NRXN3: variants seen among roughly 807,000 people sequenced by gnomAD.
NRXN3 encodes the protein neurexin III.
NRXN3 carries 32 observed loss-of-function variants against 137.6 expected under a neutral mutation model. The observed-to-expected ratio is 0.23, with a 90% confidence interval of 0.18 to 0.31. The LOEUF is 0.31. NRXN3 is among the 10% of genes least tolerant of loss of function. NRXN3 has a pLI of 1.00. For missense variants in NRXN3, 1,574 were observed against 2,062.5 expected (o/e 0.76, Z 4.59); for synonymous variants, 798 against 784.5 (o/e 1.02, Z -0.29).
At chr14:78,843,100 T>C (rs1267322348) in intron 10 of NRXN3, among the ~76,000 whole-genome samples, 2 of 152,026 alleles carry the variant, frequency 1.3e-5, no homozygotes, top group African/African-American at 4.8e-5. Flanking sequence ...ATCACAAGGG[T>C]ATTGATTGGG....
At position 78,715,138 on chromosome 14, in the gene NRXN3, G is replaced by A. The variant is rs138594346; in HGVS notation, c.2043G>A (p.Arg681=). 1 of 1,604,882 alleles carries A rather than the reference G, an allele frequency of 6.2e-7. No individual in the cohort carries two copies. Among genetic ancestry groups the A allele is most frequent in the Non-Finnish European group, 8.5e-7 (1 of 1,176,870 alleles). Residue 681 remains arginine (R), a splice_region_variant and synonymous_variant, in exon 8 of 21, where the codon AGG becomes AGA. Coordinates refer to ENST00000335750, the MANE Select transcript of NRXN3 (RefSeq NM_001330195.2). ...GTGYWGRTCE[R]EASILSYDGS... ...GATACTGGGGAAGAACCTGCGAAAG[G>A]GGTGAGTCGGCCTAGAGGATGGCAA...
chr14:79,193,140 CAA>C (rs35463097), intron 15 of NRXN3, among the ~76,000 whole-genome samples: 5,751 of 149,910 alleles, frequency 0.038, 239 homozygotes, highest in East Asian at 0.21. Flanking sequence ...GTTTTAAAGA[CAA>C]AAAAAAAAAT....
chr14:79,564,679 C>A (rs1244464444), intron 16 of NRXN3, among the ~76,000 whole-genome samples: 1 of 152,070 alleles, frequency 6.6e-6, no homozygotes, highest in Non-Finnish European at 1.5e-5. Flanking sequence ...ATCTCAATGA[C>A]AATCTCAAAA....
intron 14 of NRXN3, among the ~76,000 whole-genome samples, chr14:78,986,085 C>T (rs2099503137): frequency 6.6e-6 from 1 of 152,182 alleles, no homozygotes; most frequent in South Asian, 2.1e-4. Context: ...AGAAGACGAA[C>T]CCTTTGTAGT....
chr14:78,388,932 A>AT (rs1387818789), intron 4 of NRXN3, among the ~76,000 whole-genome samples: 2 of 151,310 alleles, frequency 1.3e-5, no homozygotes, highest in African/African-American at 2.4e-5. Flanking sequence ...ACTTATTTCT[A>AT]TTTTTTTCTG....
At chr14:78,662,645 GA>G (rs1400893423) in intron 6 of NRXN3, among the ~76,000 whole-genome samples, 1 of 152,100 alleles carries the variant, frequency 6.6e-6, no homozygotes, top group African/African-American at 2.4e-5. Flanking sequence ...GATTTTATAT[GA>G]TAGATCTATA....
chr14:78,301,147 G>A (rs1412030246), intron 4 of NRXN3, among the ~76,000 whole-genome samples: 1 of 83,002 alleles, frequency 1.2e-5, no homozygotes, highest in Non-Finnish European at 3.0e-5. Context: ...TTTATTTAAT[G>A]TGGAATTGGG....
chr14:79,244,219 A>G (rs1341061477), intron 15 of NRXN3, among the ~76,000 whole-genome samples: 1 of 152,092 alleles, frequency 6.6e-6, no homozygotes, highest in Non-Finnish European at 1.5e-5. Flanking sequence ...ATACTCCTCC[A>G]ATGTGGTACT....
chr14:78,455,364 A>G (rs918224959), intron 4 of NRXN3, among the ~76,000 whole-genome samples: 1 of 152,194 alleles, frequency 6.6e-6, no homozygotes, highest in African/African-American at 2.4e-5. Context: ...ACTCAGTGTG[A>G]TATTCCCCAG....
intron 15 of NRXN3, among the ~76,000 whole-genome samples, chr14:79,210,493 A>G (rs2067482052): frequency 1.3e-5 from 2 of 152,180 alleles, no homozygotes; most frequent in Non-Finnish European, 2.9e-5. Context: ...CTGTGCAACT[A>G]ACACTCTGGT....
chr14:79,850,546 A>T (rs758527520), intron 20 of NRXN3, among the ~76,000 whole-genome samples: 1 of 152,348 alleles, frequency 6.6e-6, no homozygotes, highest in East Asian at 1.9e-4. Context: ...CATTTTAAAA[A>T]TTTTGATTTT....
At chr14:79,535,219 G>T (rs2153725077) in intron 16 of NRXN3, among the ~76,000 whole-genome samples, 1 of 152,218 alleles carries the variant, frequency 6.6e-6, no homozygotes, top group Non-Finnish European at 1.5e-5. Context: ...ACAAAGCAAA[G>T]AAATTGTGTA....
At chr14:79,555,638 C>A (rs1317126640) in intron 16 of NRXN3, among the ~76,000 whole-genome samples, 1 of 152,124 alleles carries the variant, frequency 6.6e-6, no homozygotes, top group Admixed American at 6.5e-5. Flanking sequence ...GAGTTCTGAG[C>A]TGGGTGGTGA....
At chr14:79,234,309 TATATATATATA>T (rs1181535581) in intron 15 of NRXN3, among the ~76,000 whole-genome samples, 2 of 93,472 alleles carry the variant, frequency 2.1e-5, no homozygotes, top group Non-Finnish European at 4.1e-5. Context: ...TATATATATA[TATATATATATA>T]TATATATATA....
At chr14:79,580,777 G>A (rs968785831) in intron 16 of NRXN3, among the ~76,000 whole-genome samples, 1 of 151,844 alleles carries the variant, frequency 6.6e-6, no homozygotes, top group Non-Finnish European at 1.5e-5. Context: ...TTCAAAGTGG[G>A]GAAAAGAAAA....
chr14:79,157,330 G>T (rs2060342087), intron 15 of NRXN3, among the ~76,000 whole-genome samples: 1 of 151,734 alleles, frequency 6.6e-6, no homozygotes, highest in South Asian at 2.1e-4. Context: ...TTTTTTGGAG[G>T]TTCTGGTCAA....
intron 4 of NRXN3, among the ~76,000 whole-genome samples, chr14:78,370,037 C>T (rs1415055079): frequency 1.3e-5 from 2 of 152,070 alleles, no homozygotes; most frequent in Non-Finnish European, 2.9e-5. Flanking sequence ...TCCCTGGTCA[C>T]TGCTCATTTA....
intron 10 of NRXN3, among the ~76,000 whole-genome samples, chr14:78,914,911 G>A (rs1208562035): frequency 6.6e-6 from 1 of 151,994 alleles, no homozygotes; most frequent in Non-Finnish European, 1.5e-5. Flanking sequence ...ATAAGGGGAA[G>A]GAGGGGGGAT....
rs567485594 is a variant in NRXN3 at position 79,701,896 on chromosome 14, T to C, written c.4014+3959T>C. On this transcript the variant is annotated intron_variant, in intron 19 of 20. Coordinates refer to ENST00000335750, the MANE Select transcript of NRXN3 (RefSeq NM_001330195.2). The stretch of plus-strand genomic sequence containing the variant: ...ACTGAGTTGATATAAGTAAAATGCT[T>C]AAAATAAGTGTACCATTCAAAGTAA... Among the ~76,000 whole-genome samples, 9 of 152,180 alleles carry C rather than the reference T, an allele frequency of 5.9e-5. No homozygotes were observed. The South Asian group carries it at 1.9e-3, about 32-fold the overall frequency.
Sources: gnomAD v4.1 joint callset for allele counts (sites outside exome capture counted in the v4.1 genomes callset) on GRCh38, gnomAD v4.1.1 for gene constraint, MANE v1.5 for transcripts, NCBI Gene and HGNC (gene_info 2026-07-23, HGNC 2026-07-21) for gene names.